The following MACF1 variants were observed in gnomAD, a reference collection of about 807,000 sequenced individuals.
The protein encoded by MACF1 is microtubule-actin cross-linking factor 1.
Under a neutral mutation model 854.8 loss-of-function variants are expected in MACF1, and 193 were observed. The observed-to-expected ratio is 0.23, with a 90% CI of 0.20 to 0.25. The LOEUF (loss-of-function observed/expected upper bound fraction) is 0.25. Among genes scored for constraint, MACF1 ranks in the 10% least tolerant of loss-of-function variants. The probability of loss-of-function intolerance (pLI) is 1.00; values close to 1 mark genes in which losing one functional copy is unlikely to be tolerated. For missense variants in MACF1, 7,722 were observed against 8,929.1 expected, an observed-to-expected ratio of 0.86 and a Z score of 5.45; for synonymous variants, 3,185 against 3,226.7, an observed-to-expected ratio of 0.99 and a Z score of 0.44.
intron 2 of MACF1, among the ~76,000 whole-genome samples, chr1:39,165,795 A>G (rs1643876021): frequency 1.3e-5 from 2 of 152,180 alleles, no homozygotes. Context: ...GTTAAATAGC[A>G]TCTTTTGCTC....
chr1:39,318,657 A>T lies in MACF1; in HGVS notation c.3945+42A>T, dbSNP rs1212940541. 3 of 1,521,800 alleles carry T rather than the reference A, an allele frequency of 2.0e-6. No homozygotes were observed. In the South Asian group the frequency reaches 3.8e-5, roughly 19 times the overall value. 94.3% of individuals were successfully genotyped at this position (1,521,800 alleles called of 1,614,324 possible). A position where few individuals can be genotyped will look rare whatever the true frequency, so the allele number is the denominator to read the frequency against. On this transcript the variant is annotated intron_variant, in intron 30 of 100. Transcript: ENST00000564288. ...CTCTGGCGAGAAGAGTTAGAAATTT[A>T]AATTTTCTTTATCATAAAAGAAAAT...
intron 2 of MACF1, among the ~76,000 whole-genome samples, chr1:39,156,644 G>A (rs1643693654): frequency 6.6e-6 from 1 of 151,882 alleles, no homozygotes. Flanking sequence ...AGAATTTGGG[G>A]CTCCTGCCTC....
chr1:39,212,383 A>G (rs1451680632), intron 1 of MACF1, among the ~76,000 whole-genome samples: 1 of 152,116 alleles, frequency 6.6e-6, no homozygotes, highest in Non-Finnish European at 1.5e-5. Flanking sequence ...TCCTGTAGGT[A>G]GACTGACCTT....
At chr1:39,371,643 C>G (rs2148538617) in intron 51 of MACF1, among the ~76,000 whole-genome samples, 2 of 152,254 alleles carry the variant, frequency 1.3e-5, no homozygotes, top group South Asian at 4.1e-4. Flanking sequence ...TCTTTGATTT[C>G]AAACCCAATA....
intron 23 of MACF1, among the ~76,000 whole-genome samples, chr1:39,307,901 C>CTTTCTT (rs1222230255): frequency 2.0e-5 from 1 of 50,390 alleles, no homozygotes; most frequent in Non-Finnish European, 3.6e-5. Flanking sequence ...TTCTTTCTTT[C>CTTTCTT]TTTTTTTTTT....
intron 2 of MACF1, among the ~76,000 whole-genome samples, chr1:39,173,374 C>T (rs184385773): frequency 8.1e-6 from 1 of 123,218 alleles, no homozygotes; most frequent in East Asian, 2.7e-4. Context: ...AAAGAAAAAG[C>T]ACTGGAAACA....
At chr1:39,475,037 T>C (rs1332431811) in intron 97 of MACF1, among the ~76,000 whole-genome samples, 2 of 152,104 alleles carry the variant, frequency 1.3e-5, no homozygotes, top group Non-Finnish European at 2.9e-5. Flanking sequence ...GGCCAGGTGA[T>C]GGATGCCAGA....
In MACF1 at chr1:39,303,049, C is replaced by T; in HGVS notation, c.2760C>T (p.Pro920=). The part of the protein sequence containing the change: ...VPSVCFLIPP[P]NKDAIEMASR... ...CAGTCTGCTTCCTCATCCCCCCACC[C>T]AATAAGGATGCCATTGAGATGGCCA... The change falls in exon 23 of 101, where the codon CCC becomes CCT. Residue 920 remains proline (P), a synonymous_variant. Transcript: ENST00000564288. The T allele has an allele frequency of 3.7e-6, 6 of 1,614,100 alleles. No homozygotes were observed. Among genetic ancestry groups the T allele is most frequent in the Non-Finnish European group, 5.1e-6 (6 of 1,179,962 alleles).
chr1:39,171,905 C>T (rs1351200042), intron 2 of MACF1, among the ~76,000 whole-genome samples: 2 of 152,214 alleles, frequency 1.3e-5, no homozygotes, highest in Admixed American at 1.3e-4. Flanking sequence ...GGATTATAGG[C>T]GTGAGCCACC....
chr1:39,305,260 CAAA>C (rs925943198), intron 23 of MACF1, among the ~76,000 whole-genome samples: 3 of 66,056 alleles, frequency 4.5e-5, no homozygotes, highest in Non-Finnish European at 6.2e-5. Flanking sequence ...GACTCTGTCT[CAAA>C]AAAAAAAAAA....
At chr1:39,287,933 C>A (rs983381444) in intron 15 of MACF1, among the ~76,000 whole-genome samples, 2 of 152,058 alleles carry the variant, frequency 1.3e-5, no homozygotes, top group African/African-American at 4.8e-5. Flanking sequence ...CATTTGAAAC[C>A]CTTTGGAATC....
At position 39,084,719 on chromosome 1, in the gene MACF1, G is replaced by A. The variant is rs1389342342; in HGVS notation, c.220+281G>A. On this transcript the variant is annotated intron_variant, in intron 2 of 93. Coordinates refer to the MACF1 transcript ENST00000361689. This position sits in a 1 kb window ranked among gnomAD's most constrained non-coding sequence, Gnocchi z 5.2. ...ATTCAGTTATATTTTCTATGCAGTT[G>A]CCTTCATGGCTTAGGTACCATTCTG... Among the ~76,000 whole-genome samples, 3 of 152,078 alleles carry A rather than the reference G, an allele frequency of 2.0e-5. No homozygotes were observed. Among genetic ancestry groups the A allele is most frequent in the African/African-American group, 4.8e-5 (2 of 41,418 alleles).
chr1:39,344,418 C>T (rs1443325785), intron 40 of MACF1, among the ~76,000 whole-genome samples: 12 of 147,470 alleles, frequency 8.1e-5, no homozygotes, highest in Middle Eastern at 3.5e-3. Flanking sequence ...GGTGACAGAG[C>T]GCGACTCTGT....
At position 39,292,032 on chromosome 1, in the gene MACF1, G is replaced by A; in HGVS notation, c.1908G>A (p.Leu636=). 6.2e-7 allele frequency: 1 copy of A among 1,613,890 alleles called. No individual in the cohort carries two copies. The highest frequency in any genetic ancestry group is 8.5e-7 in the Non-Finnish European group (1 of 1,179,920). The change falls in exon 16 of 101, where the codon TTG becomes TTA. Residue 636 remains leucine (L), a synonymous_variant. Coordinates refer to ENST00000564288, the MANE Select transcript of MACF1 (RefSeq NM_001394062.1). ...ELGSSVKEAR[L]YEGKMSQNFH... ...GCTCAAGTGTCAAGGAGGCCAGGTT[G>A]TATGAGGTGCGTAGCCTTCAGAATC...
chr1:39,208,390 T>C (rs759349438), intron 1 of MACF1, among the ~76,000 whole-genome samples: 17 of 152,140 alleles, frequency 1.1e-4, no homozygotes, highest in Admixed American at 2.0e-4. Context: ...ACACTACTTA[T>C]TCAAACCTGT....
rs563352701 is a variant in MACF1, at chr1:39,226,426, C to T, written c.110-4756C>T. Among the ~76,000 whole-genome samples, 557 of 152,020 alleles carry T rather than the reference C, an allele frequency of 3.7e-3. 7 individuals carry two copies. The highest frequency in any genetic ancestry group is 0.013 in the African/African-American group (532 of 41,436). ...CACGATCTCAGCTCACTGCAACCTC[C>T]GCCTCCCAGGTTGAAGCAGTTCTCC... On this transcript the variant is annotated intron_variant, in intron 1 of 100. Transcript: ENST00000564288.
At chr1:39,287,888 C>T (rs889036861) in intron 15 of MACF1, among the ~76,000 whole-genome samples, 2 of 152,166 alleles carry the variant, frequency 1.3e-5, no homozygotes, top group Admixed American at 6.5e-5. Flanking sequence ...GGCACAAATT[C>T]TCACAGTCCC....
In MACF1 at chr1:39,105,856, C is replaced by A; in HGVS notation, c.220+21418C>A. On this transcript the variant is annotated intron_variant, in intron 2 of 93. Transcript: ENST00000361689. The surrounding 1 kb of genome is among the most constrained non-coding windows in gnomAD (Gnocchi z 5.9). ...CGCGGGGCTTGGCCCTGAGCTGCTG[C>A]TTCTCGGGGCCAGTTTATTTACAGA... 3.2e-6 allele frequency: 2 copies of A among 633,782 alleles called. No homozygotes were observed. Among genetic ancestry groups the A allele is most frequent in the Non-Finnish European group, 3.9e-6 (2 of 508,464 alleles). The allele number at this position is 633,782 out of a possible 1,614,324, so 39.3% of individuals were successfully genotyped here. A position where few individuals can be genotyped will look rare whatever the true frequency, so the allele number is the denominator to read the frequency against.
chr1:39,300,138 A>T (rs1461066702), intron 21 of MACF1, 72 bp from the exon 22 acceptor site: 5 of 1,482,846 alleles, frequency 3.4e-6, no homozygotes, highest in African/African-American at 1.4e-5. Flanking sequence ...TGGAGTATTC[A>T]GTTTTCTTTG....
Sources: gnomAD v4.1 joint callset for allele counts (sites outside exome capture counted in the v4.1 genomes callset) on GRCh38, gnomAD v4.1.1 for gene constraint, Gnocchi (gnomAD v3.1) non-coding constraint, MANE v1.5 for transcripts, NCBI Gene and HGNC (gene_info 2026-07-23, HGNC 2026-07-21) for gene names.